Variants in AKAP9 observed in about 807,000 individuals in gnomAD.
The protein encoded by AKAP9 is A-kinase anchor protein 9.
In AKAP9, 311 loss-of-function variants were observed where a neutral mutation model predicts 488.5. The ratio of observed to expected loss-of-function variants is 0.64; its 90% CI spans 0.58 to 0.70. AKAP9 has a LOEUF of 0.70. Among genes scored for constraint, AKAP9 ranks in the 30% least tolerant of loss-of-function variants. The pLI, the probability that AKAP9 is intolerant of heterozygous loss-of-function variation, is 0.00. For synonymous variants in AKAP9, 1,462 were observed against 1,483.5 expected, an observed-to-expected ratio of 0.99 and a Z score of 0.33; for missense variants, 4,215 against 4,374.5, an observed-to-expected ratio of 0.96 and a Z score of 1.03.
chr7:92,033,287 G>A (rs1391217954), intron 16 of AKAP9, among the ~76,000 whole-genome samples: 2 of 151,988 alleles, frequency 1.3e-5, no homozygotes, highest in East Asian at 3.9e-4. Context: ...CCAAGATACT[G>A]TGGTCCAAGA....
At chr7:91,999,883 A>G (rs1007901107) in intron 7 of AKAP9, among the ~76,000 whole-genome samples, 9 of 135,716 alleles carry the variant, frequency 6.6e-5, no homozygotes, top group Admixed American at 5.8e-4. Context: ...CATTCATTCA[A>G]GGCACCTTTA....
intron 2 of AKAP9, 60 bp downstream of exon 2, chr7:91,974,028 C>T (rs1795382136): frequency 6.3e-7 from 1 of 1,585,930 alleles, no homozygotes; most frequent in Non-Finnish European, 8.6e-7. Context: ...GTCATAACAA[C>T]AGTCATTAGC....
intron 39 of AKAP9, 92 bp downstream of exon 39, chr7:92,093,408 A>G (rs1815980296): frequency 1.8e-6 from 2 of 1,105,758 alleles, no homozygotes; most frequent in Non-Finnish European, 2.7e-6. Context: ...TGTAACATGC[A>G]TGATATTTAA....
At chr7:92,090,836 CT>C (rs1815416827) in intron 38 of AKAP9, among the ~76,000 whole-genome samples, 1 of 152,122 alleles carries the variant, frequency 6.6e-6, no homozygotes, top group Non-Finnish European at 1.5e-5. Context: ...CATGGAATGC[CT>C]ATCTTAGATA....
intron 46 of AKAP9, among the ~76,000 whole-genome samples, chr7:92,103,565 G>T (rs1478342981): frequency 6.6e-6 from 1 of 151,452 alleles, no homozygotes; most frequent in Non-Finnish European, 1.5e-5. Flanking sequence ...CGTGGTGGCG[G>T]GTGCCTGTAG....
At chr7:92,093,405 T>C (rs1815978480) in intron 39 of AKAP9, 89 bp downstream of exon 39, 10 of 1,123,116 alleles carry the variant, frequency 8.9e-6, no homozygotes, top group Non-Finnish European at 1.2e-5. Flanking sequence ...AAATGTAACA[T>C]GCATGATATT....
chr7:92,009,483 TCTCTC>T (rs1213360725), intron 8 of AKAP9, among the ~76,000 whole-genome samples: 2 of 152,278 alleles, frequency 1.3e-5, no homozygotes, highest in East Asian at 1.9e-4. Flanking sequence ...AGATTTTCCC[TCTCTC>T]CTCTCCTCCA....
chr7:91,993,056 G>T lies in AKAP9; in HGVS notation c.576+1G>T. 3 of 1,613,942 alleles carry T rather than the reference G, an allele frequency of 1.9e-6. No individual in the cohort carries two copies. Among genetic ancestry groups the T allele is most frequent in the Non-Finnish European group, 2.5e-6 (3 of 1,179,922 alleles). On this transcript the variant is annotated splice_donor_variant, in intron 5 of 49. Transcript: ENST00000356239. LOFTEE classifies it high-confidence loss of function. The stretch of plus-strand genomic sequence containing the variant: ...CTATGGGACTGAAGGACTGCAGCAG[G>T]TATGTTTATTTTCTGTGGCTTTTGA...
At chr7:91,950,965 A>G (rs1184263783) in intron 1 of AKAP9, among the ~76,000 whole-genome samples, 1 of 152,184 alleles carries the variant, frequency 6.6e-6, no homozygotes, top group African/African-American at 2.4e-5. Flanking sequence ...TTTAATTTGT[A>G]TAAATTCATT....
intron 8 of AKAP9, among the ~76,000 whole-genome samples, chr7:92,004,455 A>C (rs1011733234): frequency 6.6e-6 from 1 of 152,160 alleles, no homozygotes; most frequent in African/African-American, 2.4e-5. Context: ...ATGAGCATGG[A>C]ATGTTCTTCC....
chr7:92,066,293 A>G lies in AKAP9; in HGVS notation c.6211-134A>G, dbSNP rs1044032748. On this transcript the variant is annotated intron_variant, in intron 25 of 49. Coordinates refer to ENST00000356239, the MANE Select transcript of AKAP9 (RefSeq NM_005751.5). ...AATGTTATCTTTTAAAACTTTTGTG[A>G]TTTGGGATGTTCCATGATCATCAGT... is the stretch of plus-strand genomic sequence containing the variant. 5.3e-6 allele frequency: 6 copies of G among 1,134,910 alleles called. No individual in the cohort carries two copies. The African/African-American group carries it at 9.5e-5, about 18-fold the overall frequency. 70.3% of individuals were successfully genotyped at this position (1,134,910 alleles called of 1,614,324 possible).
chr7:91,975,910 T>A (rs1795607500), intron 2 of AKAP9, among the ~76,000 whole-genome samples: 2 of 107,520 alleles, frequency 1.9e-5, no homozygotes, highest in Non-Finnish European at 3.9e-5. Flanking sequence ...TGGTTTGTTT[T>A]TTGTTTGTTT....
intron 1 of AKAP9, among the ~76,000 whole-genome samples, chr7:91,963,564 C>A (rs1794045803): frequency 6.6e-6 from 1 of 151,826 alleles, no homozygotes; most frequent in East Asian, 1.9e-4. Context: ...GTCGCCCAGG[C>A]TAGAGTGCAG....
At chr7:91,991,106 A>G (rs973688118) in intron 3 of AKAP9, among the ~76,000 whole-genome samples, 5 of 152,194 alleles carry the variant, frequency 3.3e-5, no homozygotes, top group African/African-American at 1.2e-4. Context: ...ATCTACTGGG[A>G]GTCTTGGAAC....
intron 3 of AKAP9, among the ~76,000 whole-genome samples, chr7:91,986,246 A>G (rs545632570): frequency 6.6e-6 from 1 of 152,210 alleles, no homozygotes; most frequent in Non-Finnish European, 1.5e-5. Flanking sequence ...TTCTGAGACC[A>G]TTGGAAAAGC....
In AKAP9 at chr7:92,001,314, G is replaced by A. The variant is rs200034525; in HGVS notation, c.1397G>A (p.Arg466Gln). The A allele has an allele frequency of 1.1e-4, 173 of 1,613,656 alleles. No individual in the cohort carries two copies. The highest frequency in any genetic ancestry group is 1.4e-4 in the Non-Finnish European group (167 of 1,179,832). Residue 466 changes from arginine (R) to glutamine (Q), a missense_variant, in exon 8 of 50, where the codon CGG (arginine) becomes CAG (glutamine). This residue lies in a region of AKAP9 where 2,361 missense variants were observed against 2,430.0 expected (regional missense o/e 0.97). Transcript: ENST00000356239. ...HMAQMEEMKT[R>Q]HKGEMENALR... ...GCACAGATGGAGGAAATGAAAACACGGCATAAGGGAGAAATGGAGAATGCT... is the reference window on the plus strand; with the variant it reads ...GCACAGATGGAGGAAATGAAAACACAGCATAAGGGAGAAATGGAGAATGCT...
chr7:91,995,674 A>G lies in AKAP9; in HGVS notation c.804A>G (p.Gln268=), dbSNP rs768519024. The change falls in exon 7 of 50, where the codon CAA becomes CAG. Residue 268 remains glutamine, a synonymous_variant. Coordinates refer to ENST00000356239, the MANE Select transcript of AKAP9 (RefSeq NM_005751.5). ...CTGCAGACTTACTACAAGCCAAACA[A>G]CAGATCCTCACTCATCAACAGCAGC... The part of the protein sequence containing the change: ...STAADLLQAK[Q]QILTHQQQLE... 3.1e-6 allele frequency: 5 copies of G among 1,614,036 alleles called. No individual in the cohort carries two copies. Among genetic ancestry groups the G allele is most frequent in the Non-Finnish European group, 4.2e-6 (5 of 1,180,026 alleles).
In AKAP9 at chr7:91,969,792, G is replaced by A. The variant is rs375701965; in HGVS notation, c.49-3919G>A. On this transcript the variant is annotated intron_variant, in intron 1 of 49. Coordinates refer to ENST00000356239, the MANE Select transcript of AKAP9 (RefSeq NM_005751.5). ...CCACCCCTTCACTTTCAGTCTGTGC[G>A]CATTCTTAATAGGCGAAGTGGGTTT... Among the ~76,000 whole-genome samples the A allele has an allele frequency of 5.3e-4, 81 of 152,224 alleles. No individual in the cohort carries two copies. In the South Asian group the frequency reaches 0.016, roughly 29 times the overall value.
At chr7:91,978,932 ATT>A (rs34097770) in intron 2 of AKAP9, among the ~76,000 whole-genome samples, 37,730 of 89,918 alleles carry the variant, frequency 0.42, 6,140 homozygotes, top group Middle Eastern at 0.49. Flanking sequence ...TAGTTTTTGT[ATT>A]TTTTTTTTTT....
Sources: allele counts gnomAD v4.1 joint callset (sites outside exome capture counted in the v4.1 genomes callset), GRCh38; gene constraint gnomAD v4.1.1; regional missense constraint gnomAD v4.1.1; transcripts MANE v1.5; gene names NCBI Gene and HGNC (gene_info 2026-07-23, HGNC 2026-07-21).